FSTL5: variants seen among roughly 807,000 people sequenced by gnomAD.
The protein encoded by FSTL5 is follistatin-related protein 5.
Under a neutral mutation model 89.1 loss-of-function variants are expected in FSTL5, and 62 were observed. That is an observed-to-expected ratio of 0.70 (90% CI 0.57 to 0.86). The LOEUF (loss-of-function observed/expected upper bound fraction) is 0.86. Ranked by LOEUF, FSTL5 falls within the 40% of genes least tolerant of loss-of-function variation. The pLI, the probability that FSTL5 is intolerant of heterozygous loss-of-function variation, is 0.00. For missense variants in FSTL5, 1,057 were observed against 1,001.6 expected, an observed-to-expected ratio of 1.06 and a Z score of -0.75; for synonymous variants, 383 against 346.2, an observed-to-expected ratio of 1.11 and a Z score of -1.18.
intron 8 of FSTL5, among the ~76,000 whole-genome samples, chr4:161,561,918 T>A (rs1219186709): frequency 1.3e-5 from 2 of 152,014 alleles, no homozygotes; most frequent in Non-Finnish European, 2.9e-5. Context: ...CTAAGGCACG[T>A]GTTGTAGGTG....
chr4:162,054,292 T>C (rs1738470779), intron 2 of FSTL5, among the ~76,000 whole-genome samples: 1 of 151,780 alleles, frequency 6.6e-6, no homozygotes, highest in African/African-American at 2.4e-5. Flanking sequence ...ATTGAGAACA[T>C]TTGTCAACGT....
At chr4:161,438,103 T>C (rs919843573) in intron 15 of FSTL5, among the ~76,000 whole-genome samples, 5 of 147,166 alleles carry the variant, frequency 3.4e-5, no homozygotes, top group African/African-American at 1.4e-4. Flanking sequence ...CTACCAAGCA[T>C]ATGTGCAAAA....
At position 161,385,403 on chromosome 4, in the gene FSTL5, C is replaced by T. The variant is rs79881082; in HGVS notation, c.*344G>A. 2.3e-3 allele frequency: 429 copies of T among 187,030 alleles called. 10 individuals carry two copies. In the East Asian group the frequency reaches 0.052, roughly 23 times the overall value. The allele number at this position is 187,030 out of a possible 1,614,324, so 11.6% of individuals were successfully genotyped here. The stretch of plus-strand genomic sequence containing the variant: ...AGGACAGAGAAAAAAAATAAACTAC[C>T]CTCAAAATGAAATAATGCTTTATGT... On this transcript the variant is annotated 3_prime_UTR_variant, in exon 16 of 16. Coordinates refer to ENST00000306100, the MANE Select transcript of FSTL5 (RefSeq NM_020116.5).
At chr4:161,563,936 C>T (rs1006726874) in intron 8 of FSTL5, among the ~76,000 whole-genome samples, 1 of 151,842 alleles carries the variant, frequency 6.6e-6, no homozygotes, top group African/African-American at 2.4e-5. Context: ...CAAAAATTGT[C>T]ATAGTAGGGT....
At chr4:161,881,735 C>T (rs1432639801) in intron 4 of FSTL5, among the ~76,000 whole-genome samples, 1 of 152,084 alleles carries the variant, frequency 6.6e-6, no homozygotes, top group South Asian at 2.1e-4. Flanking sequence ...AATAAATCTA[C>T]TTTCCCTAAC....
intron 3 of FSTL5, among the ~76,000 whole-genome samples, chr4:162,015,240 A>G (rs887498118): frequency 3.9e-5 from 6 of 152,162 alleles, no homozygotes; most frequent in Admixed American, 3.9e-4. Flanking sequence ...AAAGAGTCAT[A>G]TGCATTGCAA....
At chr4:161,690,884 T>A (rs1233600250) in intron 6 of FSTL5, among the ~76,000 whole-genome samples, 1 of 152,146 alleles carries the variant, frequency 6.6e-6, no homozygotes, top group African/African-American at 2.4e-5. Flanking sequence ...CTCCCACTGA[T>A]AAATGAGAAC....
intron 1 of FSTL5, among the ~76,000 whole-genome samples, chr4:162,154,357 T>C (rs528331465): frequency 6.6e-6 from 1 of 152,314 alleles, no homozygotes; most frequent in East Asian, 1.9e-4. Flanking sequence ...GTAAATCTTT[T>C]GTTGAAGATC....
chr4:161,866,451 G>C (rs1369099596), intron 4 of FSTL5, among the ~76,000 whole-genome samples: 1 of 136,168 alleles, frequency 7.3e-6, no homozygotes, highest in Non-Finnish European at 1.6e-5. Flanking sequence ...GTGTTTTATA[G>C]TGTTCTAAGC....
At chr4:161,441,402 T>C (rs1004798689) in intron 15 of FSTL5, among the ~76,000 whole-genome samples, 2 of 152,060 alleles carry the variant, frequency 1.3e-5, no homozygotes, top group Non-Finnish European at 2.9e-5. Context: ...TAAAGTTCAG[T>C]TTACAAAAAA....
chr4:161,541,957 T>G (rs1350900240), intron 9 of FSTL5, among the ~76,000 whole-genome samples: 1 of 151,914 alleles, frequency 6.6e-6, no homozygotes, highest in Non-Finnish European at 1.5e-5. Flanking sequence ...GGATTATTAT[T>G]ATCTAATATA....
chr4:161,818,758 G>C (rs1361317837), intron 4 of FSTL5, among the ~76,000 whole-genome samples: 1 of 151,910 alleles, frequency 6.6e-6, no homozygotes, highest in Non-Finnish European at 1.5e-5. Context: ...TTGAACTACT[G>C]GGAAACTTCC....
At chr4:161,783,467 T>G (rs928355224) in intron 4 of FSTL5, among the ~76,000 whole-genome samples, 1 of 151,908 alleles carries the variant, frequency 6.6e-6, no homozygotes, top group African/African-American at 2.4e-5. Context: ...CTGGTAAAAT[T>G]TAAGTGCATT....
At chr4:161,667,249 A>C (rs1736933544) in intron 6 of FSTL5, among the ~76,000 whole-genome samples, 1 of 152,130 alleles carries the variant, frequency 6.6e-6, no homozygotes, top group Non-Finnish European at 1.5e-5. Context: ...AACTAAAATA[A>C]TAAAGGTTGA....
chr4:161,548,757 T>G (rs1732092814), intron 8 of FSTL5, among the ~76,000 whole-genome samples: 1 of 151,800 alleles, frequency 6.6e-6, no homozygotes, highest in Non-Finnish European at 1.5e-5. Flanking sequence ...TATAATGTAC[T>G]AAGCTTTGTG....
intron 4 of FSTL5, among the ~76,000 whole-genome samples, chr4:161,830,400 CTTTT>C (rs1015995298): frequency 6.6e-6 from 1 of 151,820 alleles, no homozygotes; most frequent in Non-Finnish European, 1.5e-5. Flanking sequence ...GTTTATTTTT[CTTTT>C]TTTAACATTT....
intron 15 of FSTL5, among the ~76,000 whole-genome samples, chr4:161,416,978 A>G (rs67914996): frequency 0.15 from 23,418 of 152,078 alleles, 1,960 homozygotes; most frequent in East Asian, 0.24. Flanking sequence ...ATTAATCTTT[A>G]CATATAGCTC....
intron 2 of FSTL5, among the ~76,000 whole-genome samples, chr4:162,034,657 G>T (rs763808169): frequency 3.3e-5 from 5 of 152,060 alleles, no homozygotes; most frequent in Non-Finnish European, 7.4e-5. Context: ...GTCTCACACT[G>T]AAAATAACTT....
intron 6 of FSTL5, among the ~76,000 whole-genome samples, chr4:161,707,355 C>T (rs957433189): frequency 1.3e-5 from 2 of 151,552 alleles, no homozygotes; most frequent in Admixed American, 1.3e-4. Flanking sequence ...CAATTAATGC[C>T]TATTTTGTTA....
Sources: gnomAD v4.1 joint callset for allele counts (sites outside exome capture counted in the v4.1 genomes callset) on GRCh38, gnomAD v4.1.1 for gene constraint, MANE v1.5 for transcripts, NCBI Gene and HGNC (gene_info 2026-07-23, HGNC 2026-07-21) for gene names.